Variants in PICK1 observed in about 807,000 individuals in gnomAD.
PICK1 encodes the protein PRKCA-binding protein.
A neutral mutation model predicts 48.9 loss-of-function variants in PICK1; 23 were observed. The ratio of observed to expected loss-of-function variants is 0.47; its 90% CI spans 0.34 to 0.67. The LOEUF is 0.67. Ranked by LOEUF, PICK1 falls within the 30% of genes least tolerant of loss-of-function variation. The pLI, the probability that PICK1 is intolerant of heterozygous loss-of-function variation, is 0.01. For synonymous variants in PICK1, 217 were observed against 228.2 expected (o/e 0.95, Z 0.44); for missense variants, 423 against 557.1 (o/e 0.76, Z 2.42).
intron 2 of PICK1, 157 bp downstream of exon 2, chr22:38,058,007 G>T (rs900009389): frequency 1.4e-6 from 1 of 715,440 alleles, no homozygotes; most frequent in Non-Finnish European, 2.6e-6. Context: ...CTCACTATTT[G>T]TAGGGGGCTG....
rs185977624 is a variant in PICK1 at position 38,073,486 on chromosome 22, T to C, written c.784-287T>C. 1.3e-5 allele frequency among the ~76,000 whole-genome samples: 2 copies of C among 152,090 alleles called. No homozygotes were observed. Among genetic ancestry groups the C allele is most frequent in the African/African-American group, 2.4e-5 (1 of 41,562 alleles). ...CAAGGTTCCTTTGCTGCAGGACTTA[T>C]CAGAGCCTTTGCTAGGCTGATGTGC... On this transcript the variant is annotated intron_variant, in intron 10 of 12. Coordinates refer to ENST00000356976, the MANE Select transcript of PICK1 (RefSeq NM_012407.4). The surrounding 1 kb of genome is among the most constrained non-coding windows in gnomAD (Gnocchi z 5.7).
chr22:38,073,657 G>A lies in PICK1; in HGVS notation c.784-116G>A. On this transcript the variant is annotated intron_variant, in intron 10 of 12. Transcript: ENST00000356976. This position sits in a 1 kb window ranked among gnomAD's most constrained non-coding sequence, Gnocchi z 5.7. ...CTCAGCACCTGCCGCTGCCCGCTCT[G>A]GGACTCCCTGAACACCTGCGCCAGC... 5 of 956,962 alleles carry A rather than the reference G, an allele frequency of 5.2e-6. No homozygotes were observed. The highest frequency in any genetic ancestry group is 8.5e-6 in the Non-Finnish European group (5 of 585,984). The allele number at this position is 956,962 out of a possible 1,614,324, so 59.3% of individuals were successfully genotyped here.
At chr22:38,062,519 A>G (rs945941591) in intron 3 of PICK1, among the ~76,000 whole-genome samples, 1 of 152,104 alleles carries the variant, frequency 6.6e-6, no homozygotes, top group African/African-American at 2.4e-5. Context: ...AAGTGCTGGG[A>G]TTACAGGCGT....
At chr22:38,067,675 T>C in intron 4 of PICK1, 29 bp from the exon 5 acceptor site, 1 of 1,603,358 alleles carries the variant, frequency 6.2e-7, no homozygotes, top group Non-Finnish European at 8.5e-7. Context: ...GGAGCCTCGC[T>C]CACTAGTCTG....
At chr22:38,071,904 A>G in intron 8 of PICK1, 160 bp downstream of exon 8, 5 of 704,082 alleles carry the variant, frequency 7.1e-6, no homozygotes, top group South Asian at 6.0e-5. Context: ...TGCGGGGAAC[A>G]TCTAGATCAG....
chr22:38,067,389 A>C, intron 4 of PICK1: 1 of 359,672 alleles, frequency 2.8e-6, no homozygotes, highest in South Asian at 2.1e-5. Flanking sequence ...AGCTCACTGC[A>C]ACCTCCGCCT....
In PICK1 at chr22:38,073,982, C is replaced by T. The variant is rs1450040614; in HGVS notation, c.834+159C>T. 7 of 764,146 alleles carry T rather than the reference C, an allele frequency of 9.2e-6. No homozygotes were observed. Among genetic ancestry groups the T allele is most frequent in the Admixed American group, 4.4e-5 (2 of 45,890 alleles). The allele number at this position is 764,146 out of a possible 1,614,324, so 47.3% of individuals were successfully genotyped here. A position where few individuals can be genotyped will look rare whatever the true frequency, so the allele number is the denominator to read the frequency against. On this transcript the variant is annotated intron_variant, in intron 11 of 12. Coordinates refer to ENST00000356976, the MANE Select transcript of PICK1 (RefSeq NM_012407.4). This position sits in a 1 kb window ranked among gnomAD's most constrained non-coding sequence, Gnocchi z 5.7. ...CTTCCCAGTCCCGCTCGCTGGGCCT[C>T]GGGGTGCTGGGCACCCGGCCGGGAA...
intron 2 of PICK1, among the ~76,000 whole-genome samples, chr22:38,058,369 G>A (rs2145854066): frequency 6.6e-6 from 1 of 152,156 alleles, no homozygotes; most frequent in Middle Eastern, 3.4e-3. Context: ...ATCAGCGTGA[G>A]TACTTATCAT....
intron 3 of PICK1, among the ~76,000 whole-genome samples, chr22:38,063,025 G>T (rs1474993906): frequency 6.6e-6 from 1 of 152,138 alleles, no homozygotes; most frequent in Non-Finnish European, 1.5e-5. Flanking sequence ...TTTGTTTATT[G>T]TGCCAGATCC....
rs1223528524 is a variant in PICK1, at chr22:38,074,773, C to T, written c.980-91C>T. ...GCCCGAGTGGGAAGCCCAGGGGAGG[C>T]GAGAGGTGGGCCGGGTGGGCTGGGA... On this transcript the variant is annotated intron_variant, in intron 12 of 12. Transcript: ENST00000356976. This position sits in a 1 kb window ranked among gnomAD's most constrained non-coding sequence, Gnocchi z 4.5. 3.3e-6 allele frequency: 5 copies of T among 1,514,050 alleles called. No individual in the cohort carries two copies. The highest frequency in any genetic ancestry group is 2.3e-5 in the East Asian group (1 of 43,826). The allele number at this position is 1,514,050 out of a possible 1,614,324, so 93.8% of individuals were successfully genotyped here.
At position 38,070,897 on chromosome 22, in the gene PICK1, T is replaced by TG. The variant is rs761251892; in HGVS notation, c.493+12dup. The TG allele has an allele frequency of 3.1e-6, 5 of 1,612,914 alleles. No individual in the cohort carries two copies. Among genetic ancestry groups the TG allele is most frequent in the Non-Finnish European group, 1.7e-6 (2 of 1,179,242 alleles). On this transcript the variant is annotated splice_region_variant and intron_variant, in intron 7 of 12. Coordinates refer to ENST00000356976, the MANE Select transcript of PICK1 (RefSeq NM_012407.4). ...GACCGCTGAGCTATACAAAGGTGGG[T>TG]GGGGGGTGGCCTCGTCCTGGCACTA...
Position 38,071,192 on chromosome 22 carries a change from C to CA in PICK1, c.493+306dup, listed in dbSNP as rs532556039. Among the ~76,000 whole-genome samples, 332 of 152,162 alleles carry CA rather than the reference C, an allele frequency of 2.2e-3. 1 individual carries two copies. The highest frequency in any genetic ancestry group is 3.7e-3 in the Non-Finnish European group (251 of 68,012). ...TGAAACGCCATCTCTACTGAAAATACAAAAATTAGCCAGGCATGATGGTGT... is the reference window on the plus strand; with the variant it reads ...TGAAACGCCATCTCTACTGAAAATACAAAAAATTAGCCAGGCATGATGGTGT... On this transcript the variant is annotated intron_variant, in intron 7 of 12. Transcript: ENST00000356976.
chr22:38,057,945 C>A (rs567565006), intron 2 of PICK1, 95 bp downstream of exon 2: 67 of 1,010,228 alleles, frequency 6.6e-5, no homozygotes, highest in South Asian at 5.1e-4. Context: ...TGCTTCTCAG[C>A]GGTGGATCAG....
intron 9 of PICK1, 60 bp from the exon 10 acceptor site, chr22:38,072,940 C>A: frequency 1.8e-6 from 2 of 1,111,260 alleles, no homozygotes; most frequent in South Asian, 1.2e-5. Context: ...CAGTGCCATT[C>A]ATTGTCACCC....
At position 38,065,112 on chromosome 22, in the gene PICK1, G is replaced by C. The variant is rs2085493980; in HGVS notation, c.264G>C (p.Lys88Asn). Residue 88 changes from lysine to asparagine, a missense_variant, in exon 4 of 13, where the codon AAG (lysine) becomes AAC (asparagine). Around this residue, in one of 2 missense-constraint regions of PICK1, gnomAD observed 279 missense variants for 417.8 expected, o/e 0.67. Coordinates refer to ENST00000356976, the MANE Select transcript of PICK1 (RefSeq NM_012407.4). The stretch of plus-strand genomic sequence containing the variant: ...GGAAAACTAAGGTGGAGGTGGCGAA[G>C]ATGATTCAGGAGGTGAAGGTAAGGG... Reference protein sequence around the residue: ...IKGKTKVEVAKMIQEVKGEVT... With the variant: ...IKGKTKVEVANMIQEVKGEVT... 21 of 1,613,924 alleles carry C rather than the reference G, an allele frequency of 1.3e-5. No homozygotes were observed. The highest frequency in any genetic ancestry group is 1.8e-5 in the Non-Finnish European group (21 of 1,179,970).
At chr22:38,058,226 A>C in intron 2 of PICK1, 1 of 312,300 alleles carries the variant, frequency 3.2e-6, no homozygotes, top group South Asian at 3.6e-5. Flanking sequence ...TGTTAGTAGG[A>C]CAGATTTTCC....
In PICK1 at chr22:38,071,835, T is replaced by C; in HGVS notation, c.556+91T>C. 5.4e-6 allele frequency: 6 copies of C among 1,121,048 alleles called. 1 individual carries two copies. In the South Asian group the frequency reaches 6.2e-5, roughly 12 times the overall value. 69.4% of individuals were successfully genotyped at this position (1,121,048 alleles called of 1,614,324 possible). A position where few individuals can be genotyped will look rare whatever the true frequency, so the allele number is the denominator to read the frequency against. On this transcript the variant is annotated intron_variant, in intron 8 of 12. Transcript: ENST00000356976. ...TGAGGTGGGTCAGACCCACAGCGCCTGACCTCAGGCTCCCTCTGGGCTGGG... is the reference window on the plus strand; with the variant it reads ...TGAGGTGGGTCAGACCCACAGCGCCCGACCTCAGGCTCCCTCTGGGCTGGG...
chr22:38,058,365 G>A (rs923661937), intron 2 of PICK1, among the ~76,000 whole-genome samples: 6 of 152,154 alleles, frequency 3.9e-5, no homozygotes, highest in African/African-American at 1.4e-4. Context: ...GTGAATCAGC[G>A]TGAGTACTTA....
chr22:38,060,882 G>C (rs1601938362), intron 3 of PICK1, among the ~76,000 whole-genome samples: 1 of 151,616 alleles, frequency 6.6e-6, no homozygotes, highest in East Asian at 2.0e-4. Context: ...CCGAGTAGCT[G>C]GTATTACAGG....
Sources: allele counts gnomAD v4.1 joint callset (sites outside exome capture counted in the v4.1 genomes callset), GRCh38; gene constraint gnomAD v4.1.1; regional missense constraint gnomAD v4.1.1; non-coding constraint Gnocchi (gnomAD v3.1); transcripts MANE v1.5; gene names NCBI Gene and HGNC (gene_info 2026-07-23, HGNC 2026-07-21).